CSMD1: variants seen among roughly 807,000 people sequenced by gnomAD.
CSMD1 encodes CUB and Sushi multiple domains 1, also known as CUB and sushi domain-containing protein 1.
A neutral mutation model predicts 417.5 loss-of-function variants in CSMD1; 213 were observed. The ratio of observed to expected loss-of-function variants is 0.51; its 90% CI spans 0.46 to 0.57. The LOEUF is 0.57. CSMD1 is among the 20% of genes least tolerant of loss of function. CSMD1 has a pLI of 0.00. For synonymous variants in CSMD1, 2,862 were observed against 1,736.8 expected, an observed-to-expected ratio of 1.65 and a Z score of -16.11; for missense variants, 6,923 against 4,529.7, an observed-to-expected ratio of 1.53 and a Z score of -15.17.
chr8:4,241,481 G>C (rs1015560560), intron 3 of CSMD1, among the ~76,000 whole-genome samples: 5 of 152,174 alleles, frequency 3.3e-5, no homozygotes, highest in Non-Finnish European at 4.4e-5. Flanking sequence ...GCTTCATGCA[G>C]TGAGGATGTG....
intron 1 of CSMD1, among the ~76,000 whole-genome samples, chr8:4,828,832 G>A (rs932785795): frequency 6.6e-6 from 1 of 152,078 alleles, no homozygotes; most frequent in Non-Finnish European, 1.5e-5. Context: ...ACTGCAGATT[G>A]TAGCTCAATA....
chr8:4,032,946 A>G (rs1181004515), intron 3 of CSMD1, among the ~76,000 whole-genome samples: 1 of 152,032 alleles, frequency 6.6e-6, no homozygotes, highest in Non-Finnish European at 1.5e-5. Context: ...TTACTGATAG[A>G]ACAGGCTCCT....
intron 1 of CSMD1, among the ~76,000 whole-genome samples, chr8:4,722,106 A>G (rs558384645): frequency 1.3e-5 from 2 of 152,268 alleles, no homozygotes; most frequent in South Asian, 2.1e-4. Context: ...CATGAAAACT[A>G]TAGGTAATAG....
chr8:3,282,745 C>G (rs7018212), intron 26 of CSMD1, among the ~76,000 whole-genome samples: 4 of 151,920 alleles, frequency 2.6e-5, no homozygotes, highest in African/African-American at 7.3e-5. Flanking sequence ...ATTGTGCAGA[C>G]TATAACCAGA....
At chr8:3,936,770 A>G (rs1810527793) in intron 5 of CSMD1, among the ~76,000 whole-genome samples, 1 of 152,180 alleles carries the variant, frequency 6.6e-6, no homozygotes, top group East Asian at 1.9e-4. Context: ...AGAAACACGA[A>G]AAACTTTTGA....
intron 4 of CSMD1, among the ~76,000 whole-genome samples, chr8:4,015,371 A>T (rs996655910): frequency 6.6e-6 from 1 of 152,018 alleles, no homozygotes; most frequent in South Asian, 2.1e-4. Flanking sequence ...CTGCCTTTTC[A>T]TCTCTAGTAG....
intron 20 of CSMD1, among the ~76,000 whole-genome samples, chr8:3,362,905 T>G (rs1389215563): frequency 6.6e-6 from 1 of 152,238 alleles, no homozygotes; most frequent in Non-Finnish European, 1.5e-5. Context: ...CTGTTGAGAC[T>G]CACGCATTGT....
At chr8:3,940,948 A>G (rs1480216504) in intron 5 of CSMD1, among the ~76,000 whole-genome samples, 3 of 151,378 alleles carry the variant, frequency 2.0e-5, no homozygotes, top group Non-Finnish European at 4.4e-5. Flanking sequence ...TATTTTACAT[A>G]TATGTCCAAA....
At chr8:4,404,991 C>T (rs1275148071) in intron 3 of CSMD1, among the ~76,000 whole-genome samples, 1 of 152,204 alleles carries the variant, frequency 6.6e-6, no homozygotes, top group Non-Finnish European at 1.5e-5. Context: ...TAGTCATTTT[C>T]TCAAGGCTAA....
At chr8:4,714,408 C>T (rs1015913895) in intron 1 of CSMD1, among the ~76,000 whole-genome samples, 1 of 152,198 alleles carries the variant, frequency 6.6e-6, no homozygotes, top group Middle Eastern at 3.4e-3. Context: ...AACTGAAAGA[C>T]AAAAATAAAA....
chr8:4,954,875 C>A (rs1206569398), intron 1 of CSMD1, among the ~76,000 whole-genome samples: 3 of 152,164 alleles, frequency 2.0e-5, no homozygotes, highest in African/African-American at 7.2e-5. Flanking sequence ...CTCATAACTT[C>A]AGGAATTCAG....
At chr8:3,037,361 A>G (rs1463529690) in intron 50 of CSMD1, among the ~76,000 whole-genome samples, 4 of 134,832 alleles carry the variant, frequency 3.0e-5, no homozygotes, top group East Asian at 2.0e-4. Context: ...GCCCGCCACC[A>G]AGCCCAGCTA....
intron 1 of CSMD1, among the ~76,000 whole-genome samples, chr8:4,789,435 T>A (rs1797578268): frequency 6.6e-6 from 1 of 152,136 alleles, no homozygotes; most frequent in South Asian, 2.1e-4. Context: ...GTACTGTGTA[T>A]CCCCAGAGTT....
intron 7 of CSMD1, among the ~76,000 whole-genome samples, chr8:3,664,691 G>A (rs935799816): frequency 2.6e-5 from 4 of 152,234 alleles, no homozygotes; most frequent in East Asian, 1.9e-4. Context: ...GCTGAAAAGA[G>A]CTGGCCCATC....
At chr8:4,976,739 G>A (rs1281719354) in intron 1 of CSMD1, among the ~76,000 whole-genome samples, 1 of 152,152 alleles carries the variant, frequency 6.6e-6, no homozygotes, top group Non-Finnish European at 1.5e-5. Flanking sequence ...TGTCCTTGCT[G>A]GAAATGAGCT....
At chr8:3,873,888 A>T (rs1563165822) in intron 5 of CSMD1, among the ~76,000 whole-genome samples, 1 of 152,162 alleles carries the variant, frequency 6.6e-6, no homozygotes, top group Non-Finnish European at 1.5e-5. Flanking sequence ...GACTGGCTGA[A>T]CTGGGGGAGG....
At chr8:4,363,476 C>A (rs986294768) in intron 3 of CSMD1, among the ~76,000 whole-genome samples, 12 of 152,292 alleles carry the variant, frequency 7.9e-5, no homozygotes, top group East Asian at 5.8e-4. Context: ...CCCACCACCC[C>A]CTCTCTGGAG....
chr8:4,098,431 T>C lies in CSMD1; in HGVS notation c.416-66332A>G, dbSNP rs79576503. 2.1e-4 allele frequency among the ~76,000 whole-genome samples: 32 copies of C among 152,262 alleles called. No individual in the cohort carries two copies. In the East Asian group the frequency reaches 6.0e-3, roughly 28 times the overall value. ...TTTTTTTCAGGGTCATGTTACATAA[T>C]ATGTGCAACATGCATCAGACACATA... On this transcript the variant is annotated intron_variant, in intron 3 of 69. Transcript: ENST00000635120.
intron 10 of CSMD1, among the ~76,000 whole-genome samples, chr8:3,538,905 C>G (rs1323584405): frequency 1.3e-5 from 2 of 152,184 alleles, no homozygotes; most frequent in Admixed American, 1.3e-4. Context: ...CACCTACACA[C>G]CATGCTGCAC....
Sources: allele counts gnomAD v4.1 joint callset (sites outside exome capture counted in the v4.1 genomes callset), GRCh38; gene constraint gnomAD v4.1.1; transcripts MANE v1.5; gene names NCBI Gene and HGNC (gene_info 2026-07-23, HGNC 2026-07-21).